PCLO: variants seen among roughly 807,000 people sequenced by gnomAD.
The protein encoded by PCLO is protein piccolo.
In PCLO, 82 loss-of-function variants were observed where a neutral mutation model predicts 427.5. That is an observed-to-expected ratio of 0.19 (90% CI 0.16 to 0.23). The LOEUF (loss-of-function observed/expected upper bound fraction) is 0.23, where lower values mean the gene tolerates loss of function less well. Among genes scored for constraint, PCLO ranks in the 10% least tolerant of loss-of-function variants. The pLI is 1.00. For missense variants in PCLO, 6,239 were observed against 6,115.9 expected (o/e 1.02, Z -0.67); for synonymous variants, 2,357 against 2,155.4 (o/e 1.09, Z -2.59).
rs1243130703 is a variant in PCLO at position 82,815,326 on chromosome 7, T to C, written c.14791+7169A>G. On this transcript the variant is annotated intron_variant, in intron 20 of 24. Transcript: ENST00000333891. The stretch of plus-strand genomic sequence containing the variant: ...GTGTTCATAAAGTATCTTTTGTACA[T>C]TAATAATAGTTGGATGGAAGCAAAA... 7.9e-5 allele frequency among the ~76,000 whole-genome samples: 12 copies of C among 152,022 alleles called. No homozygotes were observed. The East Asian group carries it at 2.3e-3, about 29-fold the overall frequency.
rs769939082 is a variant in PCLO, at chr7:82,965,891, T to C, written c.3897A>G (p.Pro1299=). 1.2e-6 allele frequency: 2 copies of C among 1,613,980 alleles called. No homozygotes were observed. ...TAGGTAAACTCTGAGGTGTGCCAGA[T>C]GGTAAACCTTCCATCTTGGTCTGTG... The part of the protein sequence containing the change: ...KQPQTKMEGL[P]SGTPQSLPKE... Residue 1299 remains proline, a synonymous_variant, in exon 4 of 25, where the codon CCA becomes CCG. Coordinates refer to ENST00000333891, the MANE Select transcript of PCLO (RefSeq NM_033026.6).
At chr7:83,089,479 A>G (rs1790324179) in intron 3 of PCLO, among the ~76,000 whole-genome samples, 1 of 152,082 alleles carries the variant, frequency 6.6e-6, no homozygotes, top group African/African-American at 2.4e-5. Context: ...CATGAATTCA[A>G]TAAATTTGGT....
At chr7:82,760,883 C>A in intron 23 of PCLO, 99 bp from the exon 24 acceptor site, 5 of 395,252 alleles carry the variant, frequency 1.3e-5, no homozygotes, top group Non-Finnish European at 1.7e-5. Flanking sequence ...ACATTTTGCA[C>A]AAAGCCAGCA....
chr7:83,022,809 T>C (rs1395528153), intron 3 of PCLO, among the ~76,000 whole-genome samples: 1 of 152,162 alleles, frequency 6.6e-6, no homozygotes, highest in Non-Finnish European at 1.5e-5. Flanking sequence ...AGCTCCTAAG[T>C]GCCTCTGGCG....
rs1413422989 is a variant in PCLO at position 82,916,416 on chromosome 7, C to A, written c.11570G>T (p.Arg3857Ile). Reference sequence around the variant, plus strand: ...GCTGAATTCAGTTTGGGGAGCAGTTCTTGGTCGCTCAATGCCATGCTGACT... The same window carrying A: ...GCTGAATTCAGTTTGGGGAGCAGTTATTGGTCGCTCAATGCCATGCTGACT... ...IESQHGIERP[R>I]TAPQTEFSQF... Residue 3857 changes from arginine to isoleucine, a missense_variant, in exon 7 of 25, where the codon AGA (arginine) becomes ATA (isoleucine). By Grantham distance (97) the Arg-to-Ile change is moderately conservative. Around this residue, in one of 5 missense-constraint regions of PCLO, gnomAD observed 680 missense variants for 677.3 expected, o/e 1.00. Coordinates refer to ENST00000333891, the MANE Select transcript of PCLO (RefSeq NM_033026.6). 3.7e-6 allele frequency: 6 copies of A among 1,613,546 alleles called. No homozygotes were observed. Among genetic ancestry groups the A allele is most frequent in the Non-Finnish European group, 5.1e-6 (6 of 1,179,748 alleles).
At chr7:82,861,631 T>C (rs1792958689) in intron 10 of PCLO, among the ~76,000 whole-genome samples, 2 of 151,924 alleles carry the variant, frequency 1.3e-5, no homozygotes, top group Non-Finnish European at 2.9e-5. Context: ...ACCAAATGGA[T>C]CCAATAGATA....
intron 10 of PCLO, among the ~76,000 whole-genome samples, chr7:82,859,087 C>T (rs562846267): frequency 6.6e-6 from 1 of 152,144 alleles, no homozygotes; most frequent in Non-Finnish European, 1.5e-5. Context: ...AGCTGCAATA[C>T]AATAGAACAC....
chr7:82,794,467 T>TTTTTTTTTTTTTTTTTC (rs1791181312), intron 22 of PCLO, among the ~76,000 whole-genome samples: 1 of 74,416 alleles, frequency 1.3e-5, no homozygotes, highest in South Asian at 5.2e-4. Context: ...TTCTTTTTTT[T>TTTTTTTTTTTTTTTTTC]TTTTTTTTTT....
At chr7:82,804,755 C>T (rs1206688917) in intron 21 of PCLO, among the ~76,000 whole-genome samples, 1 of 152,108 alleles carries the variant, frequency 6.6e-6, no homozygotes, top group Non-Finnish European at 1.5e-5. Context: ...TTTCAATTTC[C>T]TATAATTTTC....
chr7:83,027,381 G>A (rs1210332075), intron 3 of PCLO, among the ~76,000 whole-genome samples: 8 of 152,080 alleles, frequency 5.3e-5, no homozygotes, highest in South Asian at 2.1e-4. Context: ...TCCTCGACAC[G>A]TACACTCTCC....
rs1246232904 is a variant in PCLO, at chr7:82,794,452, TTTTTTTC to T, written c.15007+7059_15007+7065del. 1.2e-3 allele frequency among the ~76,000 whole-genome samples: 108 copies of T among 88,810 alleles called. 2 individuals carry two copies. The highest frequency in any genetic ancestry group is 1.6e-3 in the Non-Finnish European group (82 of 50,094). The allele number at this position is 88,810 out of a possible 152,430, so 58.3% of individuals were successfully genotyped here. A position where few individuals can be genotyped will look rare whatever the true frequency, so the allele number is the denominator to read the frequency against. On this transcript the variant is annotated intron_variant, in intron 22 of 24. Transcript: ENST00000333891. ...GTTACTGACATGCTAGTTCATAAAT[TTTTTTTC>T]TTTTTTTTTTTTTTTTTTTTTTTTT...
chr7:82,790,548 A>G (rs1376623469), intron 22 of PCLO, among the ~76,000 whole-genome samples: 2 of 152,208 alleles, frequency 1.3e-5, no homozygotes, highest in South Asian at 2.1e-4. Context: ...CCTGCCAGGA[A>G]GGCTTTTCTT....
In PCLO at chr7:82,805,756, C is replaced by T. The variant is rs764947816; in HGVS notation, c.14865G>A (p.Gly4955=). 3.1e-6 allele frequency: 5 copies of T among 1,612,160 alleles called. No homozygotes were observed. The highest frequency in any genetic ancestry group is 2.5e-6 in the Non-Finnish European group (3 of 1,179,070). ...TGCTTCCTTCACTGTCCACGCTATA[C>T]CCACTGCCAAAGCTGCTGCCCGAGG... The part of the protein sequence containing the change: ...TGSSGSSFGS[G]YSVDSEGSSS... Residue 4955 remains glycine, a synonymous_variant, in exon 21 of 25, where the codon GGG becomes GGA. Coordinates refer to ENST00000333891, the MANE Select transcript of PCLO (RefSeq NM_033026.6).
intron 3 of PCLO, among the ~76,000 whole-genome samples, chr7:83,007,284 T>A (rs1216477096): frequency 6.6e-6 from 1 of 151,554 alleles, no homozygotes; most frequent in Non-Finnish European, 1.5e-5. Context: ...TGCAAAATGA[T>A]GTCTTGAGAG....
intron 13 of PCLO, among the ~76,000 whole-genome samples, chr7:82,841,887 A>G (rs763655794): frequency 6.6e-6 from 1 of 152,142 alleles, no homozygotes; most frequent in African/African-American, 2.4e-5. Flanking sequence ...GTTTAATACA[A>G]GAACTGCCGA....
intron 10 of PCLO, among the ~76,000 whole-genome samples, chr7:82,858,337 T>C (rs1333074288): frequency 6.6e-6 from 1 of 152,170 alleles, no homozygotes. Context: ...AAAGTCCATG[T>C]ATGACAAATC....
chr7:83,002,234 T>C (rs963976341), intron 3 of PCLO, among the ~76,000 whole-genome samples: 2 of 151,982 alleles, frequency 1.3e-5, no homozygotes, highest in Non-Finnish European at 2.9e-5. Flanking sequence ...ATTTATATTT[T>C]CCATCCTTCT....
intron 22 of PCLO, among the ~76,000 whole-genome samples, chr7:82,799,367 A>T (rs1171140992): frequency 6.6e-6 from 1 of 152,208 alleles, no homozygotes; most frequent in Non-Finnish European, 1.5e-5. Flanking sequence ...GTTCAGCCTT[A>T]TGGAGGAGAC....
Position 82,916,541 on chromosome 7 carries a change from C to T in PCLO, c.11445G>A (p.Glu3815=). 6.2e-7 allele frequency: 1 copy of T among 1,613,710 alleles called. No homozygotes were observed. The highest frequency in any genetic ancestry group is 1.7e-5 in the Admixed American group (1 of 59,956). The change falls in exon 7 of 25, where the codon GAG becomes GAA. Residue 3815 remains glutamate, a synonymous_variant. Coordinates refer to ENST00000333891, the MANE Select transcript of PCLO (RefSeq NM_033026.6). ...GGTAGGCTCGTTCTCTCTTTTCTCT[C>T]TCCTTTAATAGGGCCTCTTTCCTCC... The part of the protein sequence containing the change: ...INRRKEALLK[E]REKRERAYLQ...
Sources: allele counts gnomAD v4.1 joint callset (sites outside exome capture counted in the v4.1 genomes callset), GRCh38; gene constraint gnomAD v4.1.1; regional missense constraint gnomAD v4.1.1; transcripts MANE v1.5; gene names NCBI Gene and HGNC (gene_info 2026-07-23, HGNC 2026-07-21).